ADGRL2: variants seen among roughly 807,000 people sequenced by gnomAD.
The protein encoded by ADGRL2 is calcium-independent alpha-latrotoxin receptor 2.
In ADGRL2, 44 loss-of-function variants were observed where a neutral mutation model predicts 157.4. That is an observed-to-expected ratio of 0.28 (90% CI 0.22 to 0.36). The LOEUF (loss-of-function observed/expected upper bound fraction) is 0.36, where lower values mean the gene tolerates loss of function less well. Ranked by LOEUF, ADGRL2 falls within the 10% of genes least tolerant of loss-of-function variation. ADGRL2 has a pLI of 1.00. For synonymous variants in ADGRL2, 585 were observed against 624.7 expected, an observed-to-expected ratio of 0.94 and a Z score of 0.95; for missense variants, 1,510 against 1,768.9, an observed-to-expected ratio of 0.85 and a Z score of 2.63.
At chr1:81,898,409 C>CT (rs1464913456) in intron 2 of ADGRL2, among the ~76,000 whole-genome samples, 5 of 152,156 alleles carry the variant, frequency 3.3e-5, no homozygotes, top group Admixed American at 2.6e-4. Flanking sequence ...AGTAGTAGGT[C>CT]TTTTTTACTT....
At chr1:81,439,971 T>C (rs564982685) in intron 1 of ADGRL2, among the ~76,000 whole-genome samples, 1 of 152,354 alleles carries the variant, frequency 6.6e-6, no homozygotes, top group East Asian at 1.9e-4. Context: ...AAAGTCAGGC[T>C]GTCTCCTCCT....
intron 1 of ADGRL2, among the ~76,000 whole-genome samples, chr1:81,361,010 A>T (rs2075969316): frequency 6.6e-6 from 1 of 151,898 alleles, no homozygotes; most frequent in Admixed American, 6.6e-5. Flanking sequence ...CCCCTCTCCC[A>T]GCCCCCATAA....
chr1:81,801,032 T>C lies in ADGRL2; in HGVS notation c.-137T>C, dbSNP rs1317072587. ...GCCGGCCTGGTCCTCGGGCGGCTGC[T>C]TGGCCACCGCCACCGCCGTCCGAAG... On this transcript the variant is annotated 5_prime_UTR_variant, in exon 1 of 24. Transcript: ENST00000686636. Among the ~76,000 whole-genome samples, 1 of 151,236 alleles carries C rather than the reference T, an allele frequency of 6.6e-6. No homozygotes were observed. The highest frequency in any genetic ancestry group is 2.4e-5 in the African/African-American group (1 of 41,350).
intron 3 of ADGRL2, among the ~76,000 whole-genome samples, chr1:81,661,186 ATT>A (rs140405432): frequency 6.6e-6 from 1 of 151,642 alleles, no homozygotes; most frequent in Admixed American, 6.6e-5. Context: ...TTCCATAAGC[ATT>A]TTTTTTATTA....
At chr1:81,377,040 T>C (rs2076262785) in intron 1 of ADGRL2, among the ~76,000 whole-genome samples, 1 of 152,020 alleles carries the variant, frequency 6.6e-6, no homozygotes, top group African/African-American at 2.4e-5. Context: ...AAATTTTTTT[T>C]TAATTAGCTG....
In ADGRL2 at chr1:81,619,840, C is replaced by G. The variant is rs1365149520; in HGVS notation, c.-143+38860C>G. The stretch of plus-strand genomic sequence containing the variant: ...TATGAAGTAATTAAGGAAACAGACT[C>G]TGGAGTCAGACTGTCTAGGTTCAAA... On this transcript the variant is annotated intron_variant, in intron 3 of 24. Coordinates refer to the ADGRL2 transcript ENST00000370721. 3.3e-5 allele frequency among the ~76,000 whole-genome samples: 5 copies of G among 152,030 alleles called. No individual in the cohort carries two copies. In the East Asian group the frequency reaches 7.7e-4, roughly 24 times the overall value.
chr1:81,472,263 T>C (rs4579804), intron 2 of ADGRL2, among the ~76,000 whole-genome samples: 3,302 of 152,346 alleles, frequency 0.022, 108 homozygotes, highest in African/African-American at 0.075. Flanking sequence ...TATTTATCAT[T>C]GAACCTATCT....
intron 1 of ADGRL2, among the ~76,000 whole-genome samples, chr1:81,339,575 G>T (rs1434853890): frequency 6.7e-6 from 1 of 148,610 alleles, no homozygotes; most frequent in East Asian, 1.9e-4. Context: ...GGTCCCTTGG[G>T]GTTGTTTTGT....
chr1:81,932,362 C>A (rs2148794073), intron 3 of ADGRL2, among the ~76,000 whole-genome samples: 1 of 152,214 alleles, frequency 6.6e-6, no homozygotes, highest in African/African-American at 2.4e-5. Context: ...AAAATTAGAG[C>A]AACTAAAACT....
At chr1:81,408,316 C>T (rs1418979407) in intron 1 of ADGRL2, among the ~76,000 whole-genome samples, 1 of 121,094 alleles carries the variant, frequency 8.3e-6, no homozygotes, top group Non-Finnish European at 1.7e-5. Flanking sequence ...ACAGAATGCT[C>T]ATTTTTTTTA....
chr1:81,355,561 C>T (rs977968797), intron 1 of ADGRL2, among the ~76,000 whole-genome samples: 8 of 152,172 alleles, frequency 5.3e-5, no homozygotes, highest in African/African-American at 1.4e-4. Flanking sequence ...TCTGAGGTGC[C>T]TAGCTGGATA....
intron 11 of ADGRL2, 46 bp from the exon 12 acceptor site, chr1:81,966,012 A>G (rs1656932424): frequency 1.2e-6 from 2 of 1,603,320 alleles, no homozygotes; most frequent in Non-Finnish European, 1.7e-6. Context: ...GTTAACTCTT[A>G]AAGAATCCTT....
intron 2 of ADGRL2, among the ~76,000 whole-genome samples, chr1:81,555,280 T>C (rs2080246473): frequency 6.6e-6 from 1 of 150,724 alleles, no homozygotes; most frequent in Non-Finnish European, 1.5e-5. Context: ...TTTTTTTTTT[T>C]TTTTGAGATG....
Position 81,330,055 on chromosome 1 carries a change from C to T in ADGRL2, c.-302+23546C>T, listed in dbSNP as rs771127574. On this transcript the variant is annotated intron_variant, in intron 1 of 24. Transcript: ENST00000370721. ...GCATTTAAGTAAATGGCAGTATTTT[C>T]GGTCATCCAAGAGGCTTTTTCATTT... Among the ~76,000 whole-genome samples, 4 of 152,144 alleles carry T rather than the reference C, an allele frequency of 2.6e-5. No individual in the cohort carries two copies. The South Asian group carries it at 6.2e-4, about 24-fold the overall frequency.
At chr1:81,848,497 T>C (rs1571646454) in intron 2 of ADGRL2, among the ~76,000 whole-genome samples, 1 of 151,918 alleles carries the variant, frequency 6.6e-6, no homozygotes, top group African/African-American at 2.4e-5. Context: ...AGATCATTAG[T>C]ATATTTTCCT....
intron 2 of ADGRL2, among the ~76,000 whole-genome samples, chr1:81,480,752 T>C (rs902757640): frequency 6.6e-6 from 1 of 152,206 alleles, no homozygotes; most frequent in Non-Finnish European, 1.5e-5. Flanking sequence ...CTAGTTTTCA[T>C]TAAACCTGTT....
At chr1:81,884,281 G>C (rs1260278481) in intron 2 of ADGRL2, among the ~76,000 whole-genome samples, 1 of 152,140 alleles carries the variant, frequency 6.6e-6, no homozygotes, top group African/African-American at 2.4e-5. Flanking sequence ...ATCCCAAACT[G>C]CCTTCCTTTT....
chr1:81,603,306 G>A (rs1204676841), intron 3 of ADGRL2, among the ~76,000 whole-genome samples: 1 of 152,050 alleles, frequency 6.6e-6, no homozygotes, highest in Non-Finnish European at 1.5e-5. Context: ...ATAGGTTCTA[G>A]TTCAAGATTT....
chr1:81,878,793 A>C (rs566539755), intron 2 of ADGRL2, among the ~76,000 whole-genome samples: 1 of 152,212 alleles, frequency 6.6e-6, no homozygotes, highest in Non-Finnish European at 1.5e-5. Context: ...AAATAAACAC[A>C]GTGTAATGGT....
Sources: allele counts gnomAD v4.1 joint callset (sites outside exome capture counted in the v4.1 genomes callset), GRCh38; gene constraint gnomAD v4.1.1; transcripts MANE v1.5; gene names NCBI Gene and HGNC (gene_info 2026-07-23, HGNC 2026-07-21).